PAX6: variants seen among roughly 807,000 people sequenced by gnomAD.
PAX6 encodes paired box 6, also known as paired box protein Pax-6.
Under a neutral mutation model 60.7 loss-of-function variants are expected in PAX6, and 7 were observed. The ratio of observed to expected loss-of-function variants is 0.12; its 90% CI spans 0.07 to 0.22. The LOEUF is 0.22. PAX6 is among the 10% of genes least tolerant of loss of function. PAX6 has a pLI of 1.00. For missense variants in PAX6, 355 were observed against 555.2 expected, an observed-to-expected ratio of 0.64 and a Z score of 3.62; for synonymous variants, 208 against 201.2, an observed-to-expected ratio of 1.03 and a Z score of -0.29.
chr11:31,790,259 AG>A, intron 13 of PAX6: 2 of 529,872 alleles, frequency 3.8e-6, no homozygotes, highest in Non-Finnish European at 6.1e-6. Context: ...CCAAAGGAAA[AG>A]AAAAAAAAAA....
rs114384476 is a variant in PAX6 at position 31,801,591 on chromosome 11, C to T, written c.369G>A (p.Glu123=). 3,083 of 1,614,150 alleles carry T rather than the reference C, an allele frequency of 1.9e-3. 66 individuals are homozygous for T. The African/African-American group carries it at 0.038, about 20-fold the overall frequency. The change falls in exon 7 of 14, where the codon GAG becomes GAA. Residue 123 remains glutamate (E), a synonymous_variant. Coordinates refer to ENST00000640368, the MANE Select transcript of PAX6 (RefSeq NM_001368894.2). ...AWEIRDRLLS[E]GVCTNDNIPS... ...GTATGTTATCGTTGGTACAGACCCC[C>T]TCGGACAGTAATCTGTCTCGGATTT... is the stretch of plus-strand genomic sequence containing the variant.
chr11:31,798,431 C>T (rs958875149), intron 8 of PAX6, among the ~76,000 whole-genome samples: 7 of 152,080 alleles, frequency 4.6e-5, no homozygotes, highest in African/African-American at 1.7e-4. Flanking sequence ...CTCTTTAAAA[C>T]CCAAGAAAGG....
At chr11:31,814,729 C>G (rs926348662), upstream of PAX6, 2 of 152,524 alleles carry the variant, frequency 1.3e-5, no homozygotes, top group African/African-American at 4.8e-5. Context: ...GTGCCTCCCC[C>G]ACTTCCAGGC....
intron 8 of PAX6, among the ~76,000 whole-genome samples, chr11:31,795,750 G>C (rs969656057): frequency 6.6e-6 from 1 of 152,256 alleles, no homozygotes; most frequent in Non-Finnish European, 1.5e-5. Flanking sequence ...TGTGCACTTG[G>C]GCTAGCTGGC....
intron 13 of PAX6, 78 bp from the exon 14 acceptor site, chr11:31,790,097 C>CAAAAAAAAAAAAAAAAAAAAAAA (rs1171009926): frequency 7.2e-6 from 1 of 138,914 alleles, no homozygotes; most frequent in Non-Finnish European, 1.3e-5. Context: ...TATAGGTTTA[C>CAAAAAAAAAAAAAAAAAAAAAAA]AAAAAAAAAA....
chr11:31,790,419 C>T (rs1253793354), intron 13 of PAX6: 16 of 1,308,826 alleles, frequency 1.2e-5, no homozygotes, highest in Non-Finnish European at 1.5e-5. Context: ...TCAGTGGGCC[C>T]CCTACTGAGC....
chr11:31,811,609 T>G (rs1957026782), upstream of PAX6: 1 of 174,390 alleles, frequency 5.7e-6, no homozygotes, highest in African/African-American at 2.4e-5. Context: ...AGTGAAGGTT[T>G]CTGGGTTGGG....
In PAX6 at chr11:31,790,765, A is replaced by G; in HGVS notation, c.1170T>C (p.His390=). 6.2e-7 allele frequency: 1 copy of G among 1,614,072 alleles called. No homozygotes were observed. Among genetic ancestry groups the G allele is most frequent in the Non-Finnish European group, 8.5e-7 (1 of 1,180,016 alleles). The change falls in exon 13 of 14, where the codon CAT becomes CAC. Residue 390 remains histidine (H), a synonymous_variant. Transcript: ENST00000640368. The part of the protein sequence containing the change: ...GRSYDTYTPP[H]MQTHMNSQPM... Reference sequence around the variant, plus strand: ...GCTGACTGTTCATGTGTGTCTGCATATGTGGGGGGGTGTAGGTATCATAAC... The same window carrying G: ...GCTGACTGTTCATGTGTGTCTGCATGTGTGGGGGGGTGTAGGTATCATAAC...
chr11:31,802,484 G>A, intron 5 of PAX6: 1 of 534,386 alleles, frequency 1.9e-6, no homozygotes, highest in South Asian at 2.9e-5. Flanking sequence ...AAGCAGATGA[G>A]TTATCTTATG....
upstream of PAX6, among the ~76,000 whole-genome samples, chr11:31,815,293 G>T (rs1957325010): frequency 6.6e-6 from 1 of 152,112 alleles, no homozygotes. Context: ...ACCCTGTGAC[G>T]ATCCCCCCAT....
chr11:31,811,332 G>C (rs940092669), upstream of PAX6: 1 of 398,202 alleles, frequency 2.5e-6, no homozygotes, highest in African/African-American at 2.1e-5. Flanking sequence ...CAAATGCACC[G>C]CTCGCTCTCA....
At chr11:31,792,031 CTTA>C (rs945965581) in intron 12 of PAX6, 32 of 152,306 alleles carry the variant, frequency 2.1e-4, no homozygotes, top group African/African-American at 7.7e-4. Context: ...ACTTGTTCGT[CTTA>C]TTATTTTCTC....
At chr11:31,806,820 G>C (rs139322122) in intron 3 of PAX6, 29 bp downstream of exon 3, 55 of 183,888 alleles carry the variant, frequency 3.0e-4, no homozygotes, top group African/African-American at 1.2e-3. Flanking sequence ...TGTGGGTTTT[G>C]AGCCCAAAGC....
chr11:31,816,632 C>T (rs1361385994), intron 1 of PAX6: 1 of 702,480 alleles, frequency 1.4e-6, no homozygotes, highest in Admixed American at 2.0e-5. Flanking sequence ...GAGAGGATCC[C>T]GGCCCAGGTA....
At chr11:31,800,955 C>T in intron 7 of PAX6, 99 bp from the exon 8 acceptor site, 4 of 1,273,418 alleles carry the variant, frequency 3.1e-6, no homozygotes, top group Non-Finnish European at 4.5e-6. Context: ...ACTCTCAACC[C>T]GTTAAAAAGC....
rs539453182 is a variant in PAX6, at chr11:31,795,743, G to T, written c.566-955C>A. On this transcript the variant is annotated intron_variant, in intron 8 of 13. Coordinates refer to ENST00000640368, the MANE Select transcript of PAX6 (RefSeq NM_001368894.2). ...CCTTGCTGCCTGGAGGGCAAGATGT[G>T]CACTTGGGCTAGCTGGCTCCCGGCT... Among the ~76,000 whole-genome samples, 700 of 152,374 alleles carry T rather than the reference G, an allele frequency of 4.6e-3. 2 individuals carry two copies. The highest frequency in any genetic ancestry group is 7.9e-3 in the Non-Finnish European group (537 of 68,034).
chr11:31,795,316 A>C (rs1951162455), intron 8 of PAX6, among the ~76,000 whole-genome samples: 1 of 152,220 alleles, frequency 6.6e-6, no homozygotes, highest in Non-Finnish European at 1.5e-5. Context: ...TGCACAGTCA[A>C]TTTCATTTAA....
intron 10 of PAX6, 80 bp downstream of exon 10, chr11:31,793,952 A>G (rs1392241208): frequency 6.4e-6 from 8 of 1,241,664 alleles, no homozygotes; most frequent in African/African-American, 5.9e-5. Context: ...AATAAATAGT[A>G]CTCTGTACAA....
At chr11:31,816,677 C>G (rs1486496667) in intron 1 of PAX6, 1 of 687,492 alleles carries the variant, frequency 1.5e-6, no homozygotes, top group African/African-American at 1.9e-5. Context: ...CGCTCGTCCC[C>G]CGTTTCCAGG....
Sources: allele counts gnomAD v4.1 joint callset (sites outside exome capture counted in the v4.1 genomes callset), GRCh38; gene constraint gnomAD v4.1.1; transcripts MANE v1.5; gene names NCBI Gene and HGNC (gene_info 2026-07-23, HGNC 2026-07-21).